The following CREBBP variants were observed in gnomAD, a reference collection of about 807,000 sequenced individuals.
CREBBP encodes the protein CREB binding lysine acetyltransferase.
In CREBBP, 19 loss-of-function variants were observed where a neutral mutation model predicts 265.0. The ratio of observed to expected loss-of-function variants is 0.07; its 90% CI spans 0.05 to 0.11. The LOEUF (loss-of-function observed/expected upper bound fraction) is 0.11. Among genes scored for constraint, CREBBP ranks in the 10% least tolerant of loss-of-function variants. The pLI, the probability that CREBBP is intolerant of heterozygous loss-of-function variation, is 1.00. For synonymous variants in CREBBP, 1,457 were observed against 1,223.7 expected (o/e 1.19, Z -3.98); for missense variants, 2,525 against 3,219.0 (o/e 0.78, Z 5.22).
intron 16 of CREBBP, among the ~76,000 whole-genome samples, chr16:3,763,653 G>A (rs2052775733): frequency 6.6e-6 from 1 of 151,102 alleles, no homozygotes; most frequent in African/African-American, 2.4e-5. Flanking sequence ...TAGTAGAGAC[G>A]GGGTTTCGCC....
intron 2 of CREBBP, among the ~76,000 whole-genome samples, chr16:3,848,075 C>G (rs2054705604): frequency 6.6e-6 from 1 of 151,644 alleles, no homozygotes; most frequent in Non-Finnish European, 1.5e-5. Flanking sequence ...GAGGCTGAGG[C>G]AGGACAATCA....
At chr16:3,765,593 A>T (rs2151400410) in intron 16 of CREBBP, among the ~76,000 whole-genome samples, 1 of 152,360 alleles carries the variant, frequency 6.6e-6, no homozygotes, top group African/African-American at 2.4e-5. Flanking sequence ...CTTTCATAAA[A>T]AAATCAAATG....
intron 3 of CREBBP, among the ~76,000 whole-genome samples, chr16:3,808,874 G>T (rs984929558): frequency 1.3e-5 from 2 of 152,100 alleles, no homozygotes; most frequent in South Asian, 2.1e-4. Context: ...CTGTCCTTTC[G>T]GTGAGGACTG....
rs2141286166 is a variant in CREBBP, at chr16:3,793,568, G to A, written c.1034C>T (p.Thr345Ile). ...CAGTTTGCGTTTTTCAGGATCTGCAGTGGGGCCTGTTGCAATTGCTTGTGT... is the reference window on the plus strand; with the variant it reads ...CAGTTTGCGTTTTTCAGGATCTGCAATGGGGCCTGTTGCAATTGCTTGTGT... The part of the protein sequence containing the change: ...VPTQAIATGP[T>I]ADPEKRKLIQ... The change falls in exon 4 of 31, where the codon ACT becomes ATT. Residue 345 changes from threonine to isoleucine, a missense_variant. Physicochemically the swap from Thr to Ile is moderately conservative, Grantham distance 89. Coordinates refer to ENST00000262367, the MANE Select transcript of CREBBP (RefSeq NM_004380.3). 1 of 1,614,048 alleles carries A rather than the reference G, an allele frequency of 6.2e-7. No individual in the cohort carries two copies. The highest frequency in any genetic ancestry group is 2.2e-5 in the East Asian group (1 of 44,884).
chr16:3,847,436 C>A (rs1332608791), intron 2 of CREBBP, among the ~76,000 whole-genome samples: 1 of 152,156 alleles, frequency 6.6e-6, no homozygotes, highest in Non-Finnish European at 1.5e-5. Context: ...ACTTGTCTCT[C>A]CCTCTTACTT....
At chr16:3,851,803 G>C (rs1349651665) in intron 1 of CREBBP, among the ~76,000 whole-genome samples, 2 of 142,352 alleles carry the variant, frequency 1.4e-5, no homozygotes, top group Non-Finnish European at 3.0e-5. Context: ...GCAGTGAGCC[G>C]AGATTGCGCC....
At chr16:3,765,010 C>G (rs1157292570) in intron 16 of CREBBP, among the ~76,000 whole-genome samples, 1 of 151,206 alleles carries the variant, frequency 6.6e-6, no homozygotes, top group Non-Finnish European at 1.5e-5. Flanking sequence ...GACGGCGTCT[C>G]GCTCTGTCTC....
intron 2 of CREBBP, among the ~76,000 whole-genome samples, chr16:3,822,965 AG>A (rs888792991): frequency 6.6e-6 from 1 of 152,220 alleles, no homozygotes; most frequent in Non-Finnish European, 1.5e-5. Flanking sequence ...GGTCAACATA[AG>A]GAACCGCTGG....
At chr16:3,826,994 T>C (rs1456450451) in intron 2 of CREBBP, among the ~76,000 whole-genome samples, 1 of 152,148 alleles carries the variant, frequency 6.6e-6, no homozygotes, top group Admixed American at 6.5e-5. Flanking sequence ...TCTAAAACTG[T>C]TCTCAACATA....
chr16:3,781,425 T>C (rs1729892154), intron 6 of CREBBP, 119 bp from the exon 7 acceptor site: 1 of 808,512 alleles, frequency 1.2e-6, no homozygotes, highest in South Asian at 1.5e-5. Flanking sequence ...AAATAAGTGA[T>C]TCTGGCCAGT....
intron 1 of CREBBP, among the ~76,000 whole-genome samples, chr16:3,870,667 G>A (rs182010713): frequency 3.3e-5 from 5 of 152,252 alleles, no homozygotes; most frequent in Admixed American, 1.3e-4. Context: ...AAACAGGCAG[G>A]GGCAGAAGCT....
At chr16:3,841,375 G>A (rs1285307321) in intron 2 of CREBBP, among the ~76,000 whole-genome samples, 1 of 151,866 alleles carries the variant, frequency 6.6e-6, no homozygotes, top group Non-Finnish European at 1.5e-5. Context: ...TGGCTACAGC[G>A]TAATAATAAG....
At position 3,871,099 on chromosome 16, in the gene CREBBP, AAAAG is replaced by A. The variant is rs546524833; in HGVS notation, c.85+8729_85+8732del. Among the ~76,000 whole-genome samples the A allele has an allele frequency of 3.3e-4, 50 of 152,042 alleles. No homozygotes were observed. In the South Asian group the frequency reaches 4.4e-3, roughly 13 times the overall value. ...AAGGAAAAGAGAAAGAAAGAAAGAAAAAAGAAAGAAAGAAGAGAGAAGAGAAAGA... is the reference window on the plus strand; with the variant it reads ...AAGGAAAAGAGAAAGAAAGAAAGAAAAAAGAAAGAAGAGAGAAGAGAAAGA... On this transcript the variant is annotated intron_variant, in intron 1 of 30. Transcript: ENST00000262367.
At chr16:3,861,708 G>C (rs986342675) in intron 1 of CREBBP, among the ~76,000 whole-genome samples, 1 of 146,898 alleles carries the variant, frequency 6.8e-6, no homozygotes, top group African/African-American at 2.5e-5. Context: ...TTATGCCATC[G>C]TAAGTAATTT....
At chr16:3,822,812 G>A (rs193250405) in intron 2 of CREBBP, among the ~76,000 whole-genome samples, 3 of 152,154 alleles carry the variant, frequency 2.0e-5, no homozygotes, top group Non-Finnish European at 2.9e-5. Context: ...AAATACAGTC[G>A]TCCCTCCTGA....
intron 3 of CREBBP, among the ~76,000 whole-genome samples, chr16:3,800,859 T>G (rs2053698860): frequency 6.6e-6 from 1 of 152,222 alleles, no homozygotes; most frequent in Non-Finnish European, 1.5e-5. Context: ...TGGCATTCTT[T>G]CTATGACTAA....
intron 19 of CREBBP, among the ~76,000 whole-genome samples, chr16:3,755,948 T>A (rs2052576031): frequency 6.6e-6 from 1 of 152,188 alleles, no homozygotes; most frequent in Non-Finnish European, 1.5e-5. Context: ...GAACCTTTTT[T>A]GAGACATTTT....
intron 25 of CREBBP, 185 bp downstream of exon 25, chr16:3,739,388 GTCATC>G (rs2052146919): frequency 1.5e-6 from 1 of 673,972 alleles, no homozygotes. Context: ...GCTCACTGCA[GTCATC>G]TCAACAGTTC....
chr16:3,738,730 C>T, intron 25 of CREBBP, 58 bp from the exon 26 acceptor site: 2 of 1,126,770 alleles, frequency 1.8e-6, no homozygotes, highest in Non-Finnish European at 2.7e-6. Flanking sequence ...AAATCAAACA[C>T]AAGCAACAAA....
Sources: gnomAD v4.1 joint callset for allele counts (sites outside exome capture counted in the v4.1 genomes callset) on GRCh38, gnomAD v4.1.1 for gene constraint, MANE v1.5 for transcripts, NCBI Gene and HGNC (gene_info 2026-07-23, HGNC 2026-07-21) for gene names.